Variants in RAPGEF5 observed in about 807,000 individuals in gnomAD.
RAPGEF5 encodes the protein Rap guanine nucleotide exchange factor 5, also known as M-Ras-regulated GEF.
Under a neutral mutation model 125.2 loss-of-function variants are expected in RAPGEF5, and 65 were observed. The ratio of observed to expected loss-of-function variants is 0.52; its 90% CI spans 0.43 to 0.64. The LOEUF (loss-of-function observed/expected upper bound fraction) is 0.64. Ranked by LOEUF, RAPGEF5 falls within the 30% of genes least tolerant of loss-of-function variation. RAPGEF5 has a pLI of 0.00. For missense variants in RAPGEF5, 958 were observed against 1,048.1 expected (o/e 0.91, Z 1.19); for synonymous variants, 391 against 385.9 (o/e 1.01, Z -0.16).
intron 1 of RAPGEF5, among the ~76,000 whole-genome samples, chr7:22,335,691 C>CAAAAAAAA (rs71653120): frequency 9.7e-6 from 1 of 102,714 alleles, no homozygotes; most frequent in Non-Finnish European, 2.1e-5. Flanking sequence ...AAGAAACAAG[C>CAAAAAAAA]AAAAAAAAAA....
At chr7:22,208,854 T>C (rs1188985332) in intron 9 of RAPGEF5, among the ~76,000 whole-genome samples, 1 of 152,216 alleles carries the variant, frequency 6.6e-6, no homozygotes, top group African/African-American at 2.4e-5. Flanking sequence ...ACTAGCCAGA[T>C]ATGGAACGTA....
intron 7 of RAPGEF5, among the ~76,000 whole-genome samples, chr7:22,252,500 T>A (rs570162127): frequency 5.3e-5 from 8 of 152,344 alleles, no homozygotes; most frequent in Non-Finnish European, 1.2e-4. Context: ...ATTTACTATC[T>A]TAATGGGCAT....
Position 22,322,122 on chromosome 7 carries a change from G to T in RAPGEF5, c.232-4085C>A, listed in dbSNP as rs537213782. ...CCGGAGACTACACCAAGTTTTTGGG[G>T]TTTTTTCTTTTTCTTTTTCTTTTTT... On this transcript the variant is annotated intron_variant, in intron 1 of 25. Coordinates refer to ENST00000665637, the MANE Select transcript of RAPGEF5 (RefSeq NM_012294.5). Among the ~76,000 whole-genome samples, 18 of 151,694 alleles carry T rather than the reference G, an allele frequency of 1.2e-4. No homozygotes were observed. In the South Asian group the frequency reaches 2.1e-3, roughly 18 times the overall value.
chr7:22,200,636 T>A (rs1410273835), intron 9 of RAPGEF5, among the ~76,000 whole-genome samples: 1 of 152,178 alleles, frequency 6.6e-6, no homozygotes, highest in Non-Finnish European at 1.5e-5. Context: ...AATAAACATA[T>A]ATTTATTACG....
chr7:22,215,262 T>C (rs145364125), intron 9 of RAPGEF5, among the ~76,000 whole-genome samples: 6 of 152,290 alleles, frequency 3.9e-5, no homozygotes, highest in African/African-American at 7.2e-5. Context: ...AAACATCTAA[T>C]ATTTTGGTAT....
At chr7:22,249,660 G>A (rs1470135242) in intron 7 of RAPGEF5, among the ~76,000 whole-genome samples, 3 of 152,108 alleles carry the variant, frequency 2.0e-5, no homozygotes, top group Admixed American at 2.0e-4. Context: ...AGAAAGTTAG[G>A]CAATTCTCCA....
chr7:22,339,293 GCCT>G (rs1784083365), intron 1 of RAPGEF5, among the ~76,000 whole-genome samples: 1 of 152,196 alleles, frequency 6.6e-6, no homozygotes, highest in South Asian at 2.1e-4. Context: ...CTCTCACTCT[GCCT>G]TATGCCTCTC....
intron 5 of RAPGEF5, among the ~76,000 whole-genome samples, chr7:22,295,615 G>A (rs1025439085): frequency 6.6e-6 from 1 of 152,056 alleles, no homozygotes; most frequent in Non-Finnish European, 1.5e-5. Context: ...TGGGAGAGGA[G>A]GTAATGAGTA....
At chr7:22,230,983 CT>C in intron 7 of RAPGEF5, 64 bp from the exon 8 acceptor site, 1 of 1,445,048 alleles carries the variant, frequency 6.9e-7, no homozygotes, top group Non-Finnish European at 9.5e-7. Flanking sequence ...AGATAATTTT[CT>C]TTCAGATCGC....
At chr7:22,195,158 G>A (rs1180656124) in intron 9 of RAPGEF5, among the ~76,000 whole-genome samples, 2 of 152,092 alleles carry the variant, frequency 1.3e-5, no homozygotes, top group Non-Finnish European at 1.5e-5. Context: ...CTACGGTCAG[G>A]TACAAACATG....
At chr7:22,292,821 C>A (rs567580944) in intron 5 of RAPGEF5, among the ~76,000 whole-genome samples, 1 of 152,320 alleles carries the variant, frequency 6.6e-6, no homozygotes, top group East Asian at 1.9e-4. Flanking sequence ...CCAACAGACA[C>A]CCGAAGTATT....
Position 22,157,842 on chromosome 7 carries a change from AG to A in RAPGEF5, c.1557+12del, listed in dbSNP as rs760601652. ...CGGATCACCTAATTTTAGGTATAGA[AG>A]CATCTGCTTACCTTTTTTTGTGGTG... On this transcript the variant is annotated intron_variant, in intron 15 of 25. Coordinates refer to ENST00000665637, the MANE Select transcript of RAPGEF5 (RefSeq NM_012294.5). 1.9e-6 allele frequency: 3 copies of A among 1,609,006 alleles called. No homozygotes were observed. In the Admixed American group the frequency reaches 5.0e-5, roughly 27 times the overall value.
rs546289578 is a variant in RAPGEF5, at chr7:22,197,177, C to T, written c.997-3144G>A. On this transcript the variant is annotated intron_variant, in intron 9 of 25. Coordinates refer to ENST00000665637, the MANE Select transcript of RAPGEF5 (RefSeq NM_012294.5). ...CTAAGAAAAAGTGATGATGAGGTCA[C>T]TTTAGGTCAGGAGTGGGGAAAATGT... Among the ~76,000 whole-genome samples the T allele has an allele frequency of 1.9e-3, 286 of 152,182 alleles. 1 individual carries two copies. The highest frequency in any genetic ancestry group is 3.2e-3 in the Non-Finnish European group (220 of 67,998).
chr7:22,302,612 G>A (rs113730981), intron 5 of RAPGEF5, among the ~76,000 whole-genome samples: 337 of 152,238 alleles, frequency 2.2e-3, no homozygotes, highest in African/African-American at 2.1e-3. Flanking sequence ...AGGTCAAGGC[G>A]CCCAGACCAC....
intron 6 of RAPGEF5, among the ~76,000 whole-genome samples, chr7:22,290,795 A>C (rs917545875): frequency 1.3e-5 from 2 of 151,616 alleles, no homozygotes; most frequent in African/African-American, 4.8e-5. Context: ...ATGGTACATT[A>C]AAAACTAGTG....
intron 7 of RAPGEF5, among the ~76,000 whole-genome samples, chr7:22,238,429 C>A (rs573579553): frequency 3.9e-5 from 6 of 152,262 alleles, no homozygotes; most frequent in Admixed American, 2.6e-4. Flanking sequence ...AAAGCACATA[C>A]ATGGATAAAA....
At chr7:22,280,312 T>C (rs1276471040) in intron 6 of RAPGEF5, among the ~76,000 whole-genome samples, 2 of 152,104 alleles carry the variant, frequency 1.3e-5, no homozygotes, top group South Asian at 2.1e-4. Flanking sequence ...TCTCAAACCG[T>C]GGCTGAGCCA....
At chr7:22,310,679 C>A (rs1783448404) in intron 3 of RAPGEF5, among the ~76,000 whole-genome samples, 1 of 150,248 alleles carries the variant, frequency 6.7e-6, no homozygotes, top group African/African-American at 2.5e-5. Flanking sequence ...TGCTATTCTT[C>A]AAACAAAGAT....
rs545734242 is a variant in RAPGEF5 at position 22,251,306 on chromosome 7, G to A, written c.796+15658C>T. Among the ~76,000 whole-genome samples the A allele has an allele frequency of 1.9e-3, 185 of 99,668 alleles. 1 individual carries two copies. Among genetic ancestry groups the A allele is most frequent in the Middle Eastern group, 8.9e-3 (2 of 224 alleles). 65.4% of individuals were successfully genotyped at this position (99,668 alleles called of 152,430 possible). The stretch of plus-strand genomic sequence containing the variant: ...CCAGCAACCACTCACGTACCCTCCA[G>A]TGCAAACCTTTATTTACCCAAATAC... On this transcript the variant is annotated intron_variant, in intron 7 of 25. Coordinates refer to ENST00000665637, the MANE Select transcript of RAPGEF5 (RefSeq NM_012294.5).
Sources: allele counts gnomAD v4.1 joint callset (sites outside exome capture counted in the v4.1 genomes callset), GRCh38; gene constraint gnomAD v4.1.1; transcripts MANE v1.5; gene names NCBI Gene and HGNC (gene_info 2026-07-23, HGNC 2026-07-21).